The following PHF24 variants were observed in gnomAD, a reference collection of about 807,000 sequenced individuals.
PHF24 encodes Galpha inhibitory interacting protein.
PHF24 carries 25 observed loss-of-function variants against 42.6 expected under a neutral mutation model. The ratio of observed to expected loss-of-function variants is 0.59; its 90% CI spans 0.43 to 0.82. PHF24 has a LOEUF of 0.82. Ranked by LOEUF, PHF24 falls within the 40% of genes least tolerant of loss-of-function variation. The pLI is 0.00. For synonymous variants in PHF24, 185 were observed against 204.8 expected (o/e 0.90, Z 0.83); for missense variants, 470 against 538.1 (o/e 0.87, Z 1.25).
chr9:34,903,894 C>G, the PHF24 span, among the ~76,000 whole-genome samples: 1 of 152,126 alleles, frequency 6.6e-6, no homozygotes, highest in Non-Finnish European at 1.5e-5. Context: ...ACTTTTGACT[C>G]CTTGGTTAGG....
the PHF24 span, among the ~76,000 whole-genome samples, chr9:34,942,117 C>G: frequency 6.6e-6 from 1 of 152,186 alleles, no homozygotes; most frequent in East Asian, 1.9e-4. Flanking sequence ...TGCATCTTTT[C>G]CTACCACTGA....
At chr9:34,917,229 T>C in the PHF24 span, 1 of 1,369,460 alleles carries the variant, frequency 7.3e-7, no homozygotes, top group Non-Finnish European at 1.0e-6. Flanking sequence ...GGTGTACATA[T>C]CCCTGCCTCA....
chr9:34,690,315 G>A, the PHF24 span: 6 of 1,614,014 alleles, frequency 3.7e-6, no homozygotes, highest in Non-Finnish European at 5.1e-6. Flanking sequence ...GCAGTCTTCA[G>A]CATCATTGGT....
the PHF24 span, chr9:34,894,992 A>C: frequency 2.5e-6 from 1 of 398,350 alleles, no homozygotes; most frequent in East Asian, 3.6e-5. Flanking sequence ...ATCCGTGGGA[A>C]CCTCACTCAC....
At chr9:34,751,112 C>T in the PHF24 span, among the ~76,000 whole-genome samples, 1 of 152,168 alleles carries the variant, frequency 6.6e-6, no homozygotes, top group Non-Finnish European at 1.5e-5. Context: ...AGCCTGTAAT[C>T]CCAGCACTTT....
At chr9:34,679,163 T>C in the PHF24 span, among the ~76,000 whole-genome samples, 1 of 152,210 alleles carries the variant, frequency 6.6e-6, no homozygotes, top group East Asian at 1.9e-4. Flanking sequence ...GTGGTGGCAG[T>C]AGAATTGGTG....
the PHF24 span, among the ~76,000 whole-genome samples, chr9:34,815,127 G>A: frequency 2.0e-5 from 3 of 152,154 alleles, 1 homozygote; most frequent in South Asian, 6.2e-4. Flanking sequence ...GAATACTGGA[G>A]CAACATCTCT....
chr9:34,753,481 G>T, the PHF24 span, among the ~76,000 whole-genome samples: 1 of 152,014 alleles, frequency 6.6e-6, no homozygotes, highest in East Asian at 1.9e-4. Flanking sequence ...ATTGATGAAA[G>T]AAATTGAAGA....
At chr9:34,908,052 A>C in the PHF24 span, among the ~76,000 whole-genome samples, 2 of 152,122 alleles carry the variant, frequency 1.3e-5, no homozygotes, top group South Asian at 2.1e-4. Flanking sequence ...CATGTTGGTC[A>C]GGCTGGTCTC....
At chr9:34,897,275 G>A in the PHF24 span, among the ~76,000 whole-genome samples, 1 of 152,236 alleles carries the variant, frequency 6.6e-6, no homozygotes, top group South Asian at 2.1e-4. Context: ...GGGCAGTGTT[G>A]AGAGTACAAA....
the PHF24 span, among the ~76,000 whole-genome samples, chr9:34,923,427 T>C: frequency 6.6e-6 from 1 of 152,226 alleles, no homozygotes; most frequent in Non-Finnish European, 1.5e-5. Flanking sequence ...AAATGTTTGG[T>C]AAAATTCAGC....
chr9:34,824,790 G>A, the PHF24 span, among the ~76,000 whole-genome samples: 15 of 152,310 alleles, frequency 9.8e-5, no homozygotes, highest in South Asian at 6.2e-4. Flanking sequence ...GTACAGAGTG[G>A]TCACTATAGC....
intron 1 of PHF24, among the ~76,000 whole-genome samples, chr9:34,968,887 T>C (rs980614906): frequency 6.6e-6 from 1 of 152,210 alleles, no homozygotes; most frequent in Non-Finnish European, 1.5e-5. Context: ...CTATTGAATA[T>C]GTAATGATGA....
exon 8 of PHF24, chr9:34,980,201 A>C (rs1741605919): frequency 1.3e-5 from 2 of 152,210 alleles, no homozygotes; most frequent in African/African-American, 4.8e-5. Flanking sequence ...GATCCTTCAC[A>C]GATCAAGGTG....
chr9:34,906,959 C>T, the PHF24 span, among the ~76,000 whole-genome samples: 1 of 152,102 alleles, frequency 6.6e-6, no homozygotes, highest in African/African-American at 2.4e-5. Context: ...GATTATAGCT[C>T]ACTGTAGGTG....
At chr9:34,704,200 CT>C in the PHF24 span, among the ~76,000 whole-genome samples, 5 of 148,360 alleles carry the variant, frequency 3.4e-5, no homozygotes, top group Admixed American at 6.7e-5. Context: ...CTAATTCTTT[CT>C]TTTTTTTTTG....
At chr9:34,949,896 C>T in the PHF24 span, among the ~76,000 whole-genome samples, 7,963 of 151,874 alleles carry the variant, frequency 0.052, 265 homozygotes, top group South Asian at 0.084. Context: ...ATACCTAATG[C>T]ATGCGGAGCT....
chr9:34,917,942 T>G, the PHF24 span: 1 of 1,576,676 alleles, frequency 6.3e-7, no homozygotes, highest in Admixed American at 1.7e-5. Flanking sequence ...ATACCAACTT[T>G]AGCACCAAGG....
At chr9:34,720,550 G>A in the PHF24 span, among the ~76,000 whole-genome samples, 1 of 151,990 alleles carries the variant, frequency 6.6e-6, no homozygotes, top group Non-Finnish European at 1.5e-5. Context: ...AGGTCAGAAG[G>A]GGAATGCAGA....
Sources: gnomAD v4.1 joint callset for allele counts (sites outside exome capture counted in the v4.1 genomes callset) on GRCh38, gnomAD v4.1.1 for gene constraint, MANE v1.5 for transcripts, NCBI Gene and HGNC (gene_info 2026-07-23, HGNC 2026-07-21) for gene names.